Variants in DLGAP2 observed in about 807,000 individuals in gnomAD.
DLGAP2 encodes DLG associated protein 2, also known as disks large-associated protein 2.
A neutral mutation model predicts 100.3 loss-of-function variants in DLGAP2; 26 were observed. That is an observed-to-expected ratio of 0.26 (90% CI 0.19 to 0.36). The LOEUF is 0.36. Among genes scored for constraint, DLGAP2 ranks in the 10% least tolerant of loss-of-function variants. The pLI, the probability that DLGAP2 is intolerant of heterozygous loss-of-function variation, is 1.00. For synonymous variants in DLGAP2, 886 were observed against 630.1 expected (o/e 1.41, Z -6.08); for missense variants, 1,858 against 1,453.2 (o/e 1.28, Z -4.53).
intron 2 of DLGAP2, among the ~76,000 whole-genome samples, chr8:1,070,568 C>G (rs1341204879): frequency 6.6e-6 from 1 of 152,158 alleles, no homozygotes; most frequent in African/African-American, 2.4e-5. Context: ...TGTCCAATGT[C>G]TACTCATGTT....
chr8:1,546,162 G>A (rs891280614), intron 4 of DLGAP2, among the ~76,000 whole-genome samples: 5 of 152,152 alleles, frequency 3.3e-5, no homozygotes, highest in African/African-American at 4.8e-5. Flanking sequence ...AAAGGAAGAC[G>A]CCGCCGGCCA....
At chr8:768,347 CTG>C (rs1029384317) in intron 1 of DLGAP2, among the ~76,000 whole-genome samples, 2 of 151,376 alleles carry the variant, frequency 1.3e-5, no homozygotes, top group Admixed American at 1.3e-4. Flanking sequence ...ACTCAAATAA[CTG>C]TTATTTCAGT....
chr8:1,303,324 G>C (rs1334805672), intron 3 of DLGAP2, among the ~76,000 whole-genome samples: 2 of 151,684 alleles, frequency 1.3e-5, no homozygotes, highest in South Asian at 4.2e-4. Flanking sequence ...TTGAACCCGG[G>C]AGGCGGAGCT....
chr8:1,684,395 A>G (rs555805728), intron 12 of DLGAP2, among the ~76,000 whole-genome samples: 2 of 152,192 alleles, frequency 1.3e-5, no homozygotes, highest in East Asian at 3.9e-4. Flanking sequence ...TGATAACCTT[A>G]ATTTCCAGTC....
intron 2 of DLGAP2, among the ~76,000 whole-genome samples, chr8:948,062 G>C (rs1267743526): frequency 6.7e-6 from 1 of 149,616 alleles, no homozygotes; most frequent in South Asian, 2.1e-4. Flanking sequence ...CCGCGTGTGC[G>C]CCATGGCTTC....
At chr8:1,629,181 G>C (rs1353431393) in intron 7 of DLGAP2, among the ~76,000 whole-genome samples, 1 of 152,152 alleles carries the variant, frequency 6.6e-6, no homozygotes, top group African/African-American at 2.4e-5. Context: ...TTCCTCATCG[G>C]AAGGTTGTAC....
At chr8:1,370,549 A>T (rs1021433728) in intron 3 of DLGAP2, among the ~76,000 whole-genome samples, 1 of 152,230 alleles carries the variant, frequency 6.6e-6, no homozygotes, top group Admixed American at 6.5e-5. Context: ...ATTTGCTTAA[A>T]ATAAAATGCT....
chr8:1,449,484 G>A (rs892972231), intron 3 of DLGAP2, among the ~76,000 whole-genome samples: 5 of 152,156 alleles, frequency 3.3e-5, no homozygotes, highest in African/African-American at 1.2e-4. Context: ...CGGCACCAGC[G>A]GGCATGGACC....
intron 10 of DLGAP2, 124 bp downstream of exon 10, chr8:1,669,908 G>A (rs2130841279): frequency 2.8e-6 from 2 of 716,044 alleles, no homozygotes; most frequent in Admixed American, 3.9e-5. Context: ...GCACTATGCT[G>A]GGTGCTCCCA....
chr8:1,523,127 C>T (rs1184277807), intron 4 of DLGAP2, among the ~76,000 whole-genome samples: 4 of 152,188 alleles, frequency 2.6e-5, no homozygotes, highest in Admixed American at 6.5e-5. Context: ...GCTTTCACGC[C>T]ACGCGTATGA....
chr8:1,184,459 G>C (rs1332102331), intron 2 of DLGAP2, among the ~76,000 whole-genome samples: 1 of 152,218 alleles, frequency 6.6e-6, no homozygotes, highest in Non-Finnish European at 1.5e-5. Context: ...GGGCAGAAGA[G>C]GCTGAGGCCA....
At chr8:1,164,431 C>G (rs1011497868) in intron 2 of DLGAP2, among the ~76,000 whole-genome samples, 19 of 151,390 alleles carry the variant, frequency 1.3e-4, no homozygotes, top group Non-Finnish European at 2.7e-4. Context: ...GCGATTCAGC[C>G]CCATGTGAAA....
chr8:893,265 T>C (rs556077105), intron 1 of DLGAP2, among the ~76,000 whole-genome samples: 2 of 152,056 alleles, frequency 1.3e-5, no homozygotes, highest in African/African-American at 4.8e-5. Flanking sequence ...ACTTTCCCTT[T>C]GGGTAAAATG....
chr8:973,063 A>G (rs1800058549), intron 2 of DLGAP2, among the ~76,000 whole-genome samples: 1 of 152,238 alleles, frequency 6.6e-6, no homozygotes, highest in South Asian at 2.1e-4. Context: ...TCTTTTCACC[A>G]CATTTCCCCC....
At chr8:1,233,839 A>T (rs904280534) in intron 2 of DLGAP2, among the ~76,000 whole-genome samples, 1 of 152,082 alleles carries the variant, frequency 6.6e-6, no homozygotes, top group Non-Finnish European at 1.5e-5. Flanking sequence ...GAGTTATTTT[A>T]ATCCGTAAGC....
intron 2 of DLGAP2, among the ~76,000 whole-genome samples, chr8:1,221,528 AT>A (rs571663168): frequency 3.3e-5 from 5 of 150,640 alleles, no homozygotes; most frequent in Non-Finnish European, 5.9e-5. Context: ...TGCATTTAGC[AT>A]TTTTTTTTCA....
chr8:1,066,515 C>A (rs571137112), intron 2 of DLGAP2, among the ~76,000 whole-genome samples: 1 of 150,288 alleles, frequency 6.7e-6, no homozygotes, highest in African/African-American at 2.5e-5. Flanking sequence ...GAGGACAGTT[C>A]CCCACCACGG....
chr8:1,341,985 C>T (rs1190608414), intron 3 of DLGAP2, among the ~76,000 whole-genome samples: 1 of 152,190 alleles, frequency 6.6e-6, no homozygotes, highest in Non-Finnish European at 1.5e-5. Context: ...GCATCTCTCT[C>T]TGTCACCCGG....
At chr8:1,565,038 G>A (rs939079970) in intron 5 of DLGAP2, among the ~76,000 whole-genome samples, 1 of 151,828 alleles carries the variant, frequency 6.6e-6, no homozygotes, top group Non-Finnish European at 1.5e-5. Flanking sequence ...CGTATAACAC[G>A]CACAGGTGAT....
Sources: gnomAD v4.1 joint callset for allele counts (sites outside exome capture counted in the v4.1 genomes callset) on GRCh38, gnomAD v4.1.1 for gene constraint, MANE v1.5 for transcripts, NCBI Gene and HGNC (gene_info 2026-07-23, HGNC 2026-07-21) for gene names.